PCDHA6: variants seen among roughly 807,000 people sequenced by gnomAD.
The protein encoded by PCDHA6 is protocadherin alpha 6.
A neutral mutation model predicts 60.3 loss-of-function variants in PCDHA6; 55 were observed. That is an observed-to-expected ratio of 0.91 (90% confidence interval 0.73 to 1.14). PCDHA6 has a LOEUF of 1.14. Among genes scored for constraint, PCDHA6 ranks in the 50% most tolerant of loss-of-function variants. The pLI is 0.00. For synonymous variants in PCDHA6, 652 were observed against 557.9 expected, an observed-to-expected ratio of 1.17 and a Z score of -2.38; for missense variants, 1,327 against 1,256.5, an observed-to-expected ratio of 1.06 and a Z score of -0.85.
intron 3 of PCDHA6, among the ~76,000 whole-genome samples, chr5:141,000,421 A>ATATAT (rs1265241806): frequency 3.6e-5 from 1 of 27,980 alleles, no homozygotes; most frequent in East Asian, 1.4e-3. Flanking sequence ...ATATATATAT[A>ATATAT]TTTTTTTTTT....
At chr5:140,909,170 G>A (rs1381735874) in intron 1 of PCDHA6, among the ~76,000 whole-genome samples, 1 of 152,188 alleles carries the variant, frequency 6.6e-6, no homozygotes, top group Non-Finnish European at 1.5e-5. Flanking sequence ...AATCAATCAA[G>A]TTCTCTCCAA....
intron 3 of PCDHA6, among the ~76,000 whole-genome samples, chr5:140,993,754 A>T (rs1253767297): frequency 6.6e-6 from 1 of 152,170 alleles, no homozygotes; most frequent in African/African-American, 2.4e-5. Context: ...ACTTGCCATT[A>T]TATTACAATT....
chr5:140,990,199 G>A (rs1308811962), intron 3 of PCDHA6, among the ~76,000 whole-genome samples: 1 of 152,132 alleles, frequency 6.6e-6, no homozygotes, highest in East Asian at 1.9e-4. Context: ...ATGTGGACCC[G>A]AAAGAGAACA....
intron 3 of PCDHA6, among the ~76,000 whole-genome samples, chr5:140,989,548 T>G (rs914557459): frequency 1.3e-5 from 2 of 152,166 alleles, no homozygotes; most frequent in Non-Finnish European, 2.9e-5. Flanking sequence ...TGTAATTCCT[T>G]TACGTTTTGT....
At chr5:140,979,078 A>G (rs2240296) in intron 2 of PCDHA6, 71 bp downstream of exon 2, 2 of 1,583,496 alleles carry the variant, frequency 1.3e-6, no homozygotes, top group East Asian at 4.5e-5. Flanking sequence ...CTGCATCTCC[A>G]TAGGCCAGAA....
chr5:140,902,563 G>C (rs1472097639), intron 1 of PCDHA6, among the ~76,000 whole-genome samples: 2 of 151,808 alleles, frequency 1.3e-5, no homozygotes, highest in African/African-American at 4.8e-5. Context: ...GATTTTTGAG[G>C]GTTTTTAAGA....
At chr5:140,887,062 C>A (rs1183265871) in intron 1 of PCDHA6, among the ~76,000 whole-genome samples, 2 of 151,718 alleles carry the variant, frequency 1.3e-5, no homozygotes, top group African/African-American at 4.8e-5. Flanking sequence ...GTTCTGGCAA[C>A]AAATTCACTC....
chr5:140,897,349 A>G (rs539353387), intron 1 of PCDHA6, among the ~76,000 whole-genome samples: 33 of 107,320 alleles, frequency 3.1e-4, no homozygotes, highest in African/African-American at 1.0e-3. Flanking sequence ...CCACCCCACA[A>G]CTGTCCCCAG....
At chr5:140,854,866 A>G (rs1479587477) in intron 1 of PCDHA6, among the ~76,000 whole-genome samples, 3 of 149,974 alleles carry the variant, frequency 2.0e-5, no homozygotes, top group Non-Finnish European at 4.5e-5. Context: ...GATATATTTC[A>G]GAACTGTGTC....
chr5:140,868,954 C>T (rs192231), intron 1 of PCDHA6: 649,749 of 1,346,616 alleles, frequency 0.48, 158,482 homozygotes, highest in South Asian at 0.57. Flanking sequence ...GTGAGGCACT[C>T]CCATACAAAG....
chr5:140,862,647 C>T (rs2047469341), intron 1 of PCDHA6: 12 of 541,942 alleles, frequency 2.2e-5, no homozygotes, highest in South Asian at 1.7e-4. Context: ...TCACAGTGTC[C>T]GCGCGGGACC....
chr5:140,883,946 G>C lies in PCDHA6; in HGVS notation c.2394+53461G>C, dbSNP rs139225969. ...GCAGGTGTTCGTGCTGGACGAGAACGACAACGCTCCGGCGCTGCTGACGCC... is the reference window on the plus strand; with the variant it reads ...GCAGGTGTTCGTGCTGGACGAGAACCACAACGCTCCGGCGCTGCTGACGCC... On this transcript the variant is annotated intron_variant, in intron 1 of 3. Coordinates refer to ENST00000529310, the MANE Select transcript of PCDHA6 (RefSeq NM_018909.4). The C allele has an allele frequency of 4.8e-5, 77 of 1,613,392 alleles. No individual in the cohort carries two copies. In the African/African-American group the frequency reaches 8.8e-4, roughly 18 times the overall value.
chr5:140,967,012 G>A, intron 1 of PCDHA6: 1 of 1,606,776 alleles, frequency 6.2e-7, no homozygotes, highest in Non-Finnish European at 8.5e-7. Flanking sequence ...TCAACCATCT[G>A]GGTGCGCCCA....
At chr5:140,872,402 G>A (rs1272057866) in intron 1 of PCDHA6, among the ~76,000 whole-genome samples, 3 of 152,128 alleles carry the variant, frequency 2.0e-5, no homozygotes, top group African/African-American at 7.2e-5. Flanking sequence ...TGAGGCAGGA[G>A]AATTGCTTGA....
chr5:140,852,181 G>A, intron 1 of PCDHA6: 3 of 755,216 alleles, frequency 4.0e-6, no homozygotes, highest in Non-Finnish European at 5.0e-6. Flanking sequence ...AAATAACTAT[G>A]AAAATGCCAG....
At chr5:140,954,183 A>T (rs246025) in intron 1 of PCDHA6, among the ~76,000 whole-genome samples, 85,732 of 152,134 alleles carry the variant, frequency 0.56, 24,791 homozygotes, top group African/African-American at 0.69. Flanking sequence ...CCAGTCTATC[A>T]TTGATGGGCA....
chr5:140,927,421 G>A, intron 1 of PCDHA6: 2 of 1,614,208 alleles, frequency 1.2e-6, no homozygotes, highest in South Asian at 1.1e-5. Flanking sequence ...GGGATCGCGG[G>A]TTGACGGCAG....
At chr5:140,877,277 G>A in intron 1 of PCDHA6, 1 of 1,613,830 alleles carries the variant, frequency 6.2e-7, no homozygotes, top group South Asian at 1.1e-5. Context: ...GCTGACTCCG[G>A]CTATAACGCT....
rs2150176630 is a variant in PCDHA6, at chr5:140,829,869, A to T, written c.1778A>T (p.Lys593Met). 1 of 1,613,902 alleles carries T rather than the reference A, an allele frequency of 6.2e-7. No individual in the cohort carries two copies. The highest frequency in any genetic ancestry group is 1.1e-5 in the South Asian group (1 of 91,078). The stretch of plus-strand genomic sequence containing the variant: ...CTGGGTGCAGGCCAAGTGGTGGCGA[A>T]GGTGCGCGCAGTTGACGCCGACTCA... ...RSLGAGQVVA[K>M]VRAVDADSGY... Residue 593 changes from lysine to methionine, a missense_variant, in exon 1 of 4, where the codon AAG becomes ATG. Physicochemically the swap from Lys to Met is moderately conservative, Grantham distance 95 (BLOSUM62 -1). Transcript: ENST00000529310.
Sources: gnomAD v4.1 joint callset for allele counts (sites outside exome capture counted in the v4.1 genomes callset) on GRCh38, gnomAD v4.1.1 for gene constraint, MANE v1.5 for transcripts, NCBI Gene and HGNC (gene_info 2026-07-23, HGNC 2026-07-21) for gene names.